SERPINB10: variants seen among roughly 807,000 people sequenced by gnomAD.
The protein encoded by SERPINB10 is serpin family B member 10.
SERPINB10 carries 35 observed loss-of-function variants against 39.1 expected under a neutral mutation model. That is an observed-to-expected ratio of 0.90 (90% confidence interval 0.68 to 1.19). The LOEUF (loss-of-function observed/expected upper bound fraction) is 1.19. SERPINB10 is among the 50% of genes most tolerant of loss of function. SERPINB10 has a pLI of 0.00. For missense variants in SERPINB10, 546 were observed against 460.5 expected (o/e 1.19, Z -1.70); for synonymous variants, 190 against 158.1 (o/e 1.20, Z -1.52).
rs2050188914 is a variant in SERPINB10, at chr18:63,927,434, A to C, written c.491-2611A>C. ...TAAATAATAGAAACTTATTGCTCAC[A>C]GTTCTGGAAGCTGGGAAGTCCGCAA... is the stretch of plus-strand genomic sequence containing the variant. On this transcript the variant is annotated intron_variant, in intron 5 of 7. Transcript: ENST00000238508. 2.0e-5 allele frequency among the ~76,000 whole-genome samples: 3 copies of C among 152,058 alleles called. No homozygotes were observed. The South Asian group carries it at 6.2e-4, about 31-fold the overall frequency.
intron 6 of SERPINB10, among the ~76,000 whole-genome samples, chr18:63,932,332 C>A (rs2050228776): frequency 6.6e-6 from 1 of 152,210 alleles, no homozygotes; most frequent in African/African-American, 2.4e-5. Flanking sequence ...AACTGCCCAA[C>A]TGTTTTCCAA....
rs537258954 is a variant in SERPINB10, at chr18:63,920,412, C to G, written c.490+507C>G. Among the ~76,000 whole-genome samples the G allele has an allele frequency of 2.4e-4, 37 of 152,034 alleles. No homozygotes were observed. In the South Asian group the frequency reaches 7.5e-3, roughly 31 times the overall value. On this transcript the variant is annotated intron_variant, in intron 5 of 7. Transcript: ENST00000238508. ...TATGTCTTTCTCTCAAATAATAGTT[C>G]AAAGGTAGTTAGGCATCCTGGCTTA...
rs778289319 is a variant in SERPINB10, at chr18:63,933,096, A to AT, written c.687dup (p.His230SerfsTer18). On this transcript the variant is annotated frameshift_variant, in exon 7 of 8. Coordinates refer to ENST00000238508, the MANE Select transcript of SERPINB10 (RefSeq NM_005024.3). LOFTEE classifies it high-confidence loss of function. Reference sequence around the variant, plus strand: ...GATGTTTATGAAGAAAAAGCTTCACATTTTTCACATAGAAAAGCCAAAAGC... The same window carrying AT: ...GATGTTTATGAAGAAAAAGCTTCACATTTTTTCACATAGAAAAGCCAAAAGC... 13 of 1,613,966 alleles carry AT rather than the reference A, an allele frequency of 8.1e-6. No homozygotes were observed. The highest frequency in any genetic ancestry group is 1.1e-5 in the Non-Finnish European group (13 of 1,179,940).
Position 63,935,344 on chromosome 18 carries a change from C to T in SERPINB10, c.*102C>T. The T allele has an allele frequency of 3.4e-6, 4 of 1,179,114 alleles. No individual in the cohort carries two copies. Among genetic ancestry groups the T allele is most frequent in the Non-Finnish European group, 4.7e-6 (4 of 848,020 alleles). The allele number at this position is 1,179,114 out of a possible 1,614,324, so 73.0% of individuals were successfully genotyped here. ...CACAAAAATGAGTTTGTAGTCTAAACCTTTTTCACATTTGAATATAAGTAA... is the reference window on the plus strand; with the variant it reads ...CACAAAAATGAGTTTGTAGTCTAAATCTTTTTCACATTTGAATATAAGTAA... On this transcript the variant is annotated 3_prime_UTR_variant, in exon 8 of 8. Transcript: ENST00000238508.
intron 5 of SERPINB10, among the ~76,000 whole-genome samples, chr18:63,925,383 A>G (rs1251935850): frequency 1.3e-5 from 2 of 151,984 alleles, no homozygotes; most frequent in Admixed American, 6.6e-5. Context: ...TTCTTTCAAA[A>G]AAAGAAAGCA....
chr18:63,933,795 T>C (rs1427749254), intron 7 of SERPINB10, among the ~76,000 whole-genome samples: 6 of 152,240 alleles, frequency 3.9e-5, no homozygotes, highest in Admixed American at 6.5e-5. Context: ...TGTCAAACCA[T>C]GCTTCTGAGC....
At chr18:63,909,844 G>A (rs577872425) in intron 1 of SERPINB10, among the ~76,000 whole-genome samples, 1 of 152,166 alleles carries the variant, frequency 6.6e-6, no homozygotes, top group South Asian at 2.1e-4. Context: ...GAGTTATTTT[G>A]AAGATGGCAT....
intron 5 of SERPINB10, among the ~76,000 whole-genome samples, chr18:63,924,169 A>C (rs980977832): frequency 2.0e-5 from 3 of 151,658 alleles, no homozygotes; most frequent in Non-Finnish European, 4.4e-5. Context: ...TTGTTTGGCA[A>C]CCCCAGTTTA....
At chr18:63,931,721 T>C (rs8084600) in intron 6 of SERPINB10, among the ~76,000 whole-genome samples, 62,640 of 152,016 alleles carry the variant, frequency 0.41, 15,785 homozygotes, top group African/African-American at 0.71. Context: ...TACATTAGTG[T>C]GGCATATTTG....
intron 5 of SERPINB10, among the ~76,000 whole-genome samples, 165 bp downstream of exon 5, chr18:63,920,070 A>G (rs992599365): frequency 2.6e-5 from 4 of 152,186 alleles, no homozygotes; most frequent in Admixed American, 6.6e-5. Context: ...TTTTAGATTC[A>G]CTGCCTTCCT....
chr18:63,919,236 A>ATTTTTTTTTTTT (rs397969917), intron 4 of SERPINB10, among the ~76,000 whole-genome samples: 3 of 142,862 alleles, frequency 2.1e-5, no homozygotes, highest in Non-Finnish European at 3.1e-5. Context: ...TGAAGGCCTC[A>ATTTTTTTTTTTT]TTTTTTTTTT....
chr18:63,911,707 A>G (rs546887096), intron 1 of SERPINB10, among the ~76,000 whole-genome samples: 14 of 151,980 alleles, frequency 9.2e-5, no homozygotes, highest in African/African-American at 3.4e-4. Context: ...AAGTTGGGTA[A>G]AGTGATGCTT....
At chr18:63,929,728 A>G (rs796310827) in intron 5 of SERPINB10, among the ~76,000 whole-genome samples, 241 of 88,604 alleles carry the variant, frequency 2.7e-3, no homozygotes, top group South Asian at 0.02. Flanking sequence ...AAAAAAAAAA[A>G]AAAAAGAAAA....
At chr18:63,919,697 G>A (rs954128972) in intron 4 of SERPINB10, 91 bp from the exon 5 acceptor site, 46 of 829,968 alleles carry the variant, frequency 5.5e-5, no homozygotes, top group African/African-American at 3.1e-4. Flanking sequence ...GCAATTGCCC[G>A]CCTACCTAGT....
intron 5 of SERPINB10, among the ~76,000 whole-genome samples, chr18:63,925,305 A>C (rs2050173474): frequency 6.6e-6 from 1 of 151,982 alleles, no homozygotes; most frequent in Non-Finnish European, 1.5e-5. Context: ...TGCTGAGAGG[A>C]TCTGGAAGCA....
intron 3 of SERPINB10, among the ~76,000 whole-genome samples, 182 bp downstream of exon 3, chr18:63,917,703 A>T: frequency 6.6e-6 from 1 of 151,942 alleles, no homozygotes; most frequent in East Asian, 1.9e-4. Flanking sequence ...TCTTGTCCCC[A>T]CGCCCTTTTA....
At position 63,923,192 on chromosome 18, in the gene SERPINB10, C is replaced by A. The variant is rs148830464; in HGVS notation, c.490+3287C>A. Among the ~76,000 whole-genome samples, 943 of 152,116 alleles carry A rather than the reference C, an allele frequency of 6.2e-3. 3 individuals are homozygous for A. The highest frequency in any genetic ancestry group is 8.2e-3 in the Non-Finnish European group (556 of 67,938). ...ATTCCTCCAGCTGACCCTCCTCACT[C>A]TATTCCTCAGAAGCAGAATTGTCTA... On this transcript the variant is annotated intron_variant, in intron 5 of 7. Transcript: ENST00000238508.
chr18:63,917,805 T>G (rs1216590729), intron 3 of SERPINB10, among the ~76,000 whole-genome samples, 160 bp from the exon 4 acceptor site: 1 of 152,076 alleles, frequency 6.6e-6, no homozygotes, highest in East Asian at 1.9e-4. Context: ...TAACATTTCA[T>G]TCTTTTGCAC....
intron 4 of SERPINB10, among the ~76,000 whole-genome samples, chr18:63,918,592 A>G (rs2144725372): frequency 6.6e-6 from 1 of 152,152 alleles, no homozygotes; most frequent in South Asian, 2.1e-4. Flanking sequence ...TTCATTGTCC[A>G]ACATCTCTTT....
Sources: allele counts gnomAD v4.1 joint callset (sites outside exome capture counted in the v4.1 genomes callset), GRCh38; gene constraint gnomAD v4.1.1; transcripts MANE v1.5; gene names NCBI Gene and HGNC (gene_info 2026-07-23, HGNC 2026-07-21).